ADRA1B: variants seen among roughly 807,000 people sequenced by gnomAD.
ADRA1B encodes the protein adrenoceptor alpha 1B, also known as alpha-1B adrenergic receptor.
Under a neutral mutation model 17.9 loss-of-function variants are expected in ADRA1B, and 17 were observed. The ratio of observed to expected loss-of-function variants is 0.95; its 90% CI spans 0.65 to 1.42. The LOEUF (loss-of-function observed/expected upper bound fraction) is 1.42. Ranked by LOEUF, ADRA1B falls within the 40% of genes most tolerant of loss-of-function variation. ADRA1B has a pLI of 0.00. For missense variants in ADRA1B, 681 were observed against 722.1 expected (o/e 0.94, Z 0.65); for synonymous variants, 366 against 327.6 (o/e 1.12, Z -1.27).
intron 1 of ADRA1B, among the ~76,000 whole-genome samples, chr5:159,924,427 G>T (rs1222154453): frequency 6.6e-6 from 1 of 152,154 alleles, no homozygotes; most frequent in Non-Finnish European, 1.5e-5. Flanking sequence ...ATGGCGGCTA[G>T]ACACAACAAA....
At chr5:159,948,998 A>G (rs1475478016) in intron 1 of ADRA1B, among the ~76,000 whole-genome samples, 1 of 152,226 alleles carries the variant, frequency 6.6e-6, no homozygotes, top group Non-Finnish European at 1.5e-5. Context: ...ACTTACCCAC[A>G]GTGACATAGA....
At chr5:159,881,160 G>A (rs929880900) in intron 1 of ADRA1B, among the ~76,000 whole-genome samples, 13 of 120,242 alleles carry the variant, frequency 1.1e-4, no homozygotes, top group African/African-American at 2.3e-4. Context: ...CGGCCTGGGC[G>A]ACAGAGCGAG....
intron 1 of ADRA1B, among the ~76,000 whole-genome samples, chr5:159,865,880 T>A (rs572022946): frequency 1.3e-5 from 2 of 152,316 alleles, no homozygotes; most frequent in African/African-American, 4.8e-5. Context: ...ATAAAAGTGG[T>A]TTAGCTGAAT....
At chr5:159,914,922 T>C (rs1561588566), upstream of ADRA1B, among the ~76,000 whole-genome samples, 1 of 152,222 alleles carries the variant, frequency 6.6e-6, no homozygotes. Flanking sequence ...CTCTGCCATA[T>C]ATTTGCTAGC....
In ADRA1B at chr5:159,917,338, A is replaced by G; in HGVS notation, c.433A>G (p.Ile145Val). The change falls in exon 1 of 2, where the codon ATC (isoleucine) becomes GTC (valine). Residue 145 changes from isoleucine to valine, a missense_variant. Transcript: ENST00000306675. ...GTGCGCCATCTCCATCGATCGCTAC[A>G]TCGGGGTGCGCTACTCTCTGCAGTA... is the stretch of plus-strand genomic sequence containing the variant. ...SLCAISIDRY[I>V]GVRYSLQYPT... 6.2e-7 allele frequency: 1 copy of G among 1,614,006 alleles called. No individual in the cohort carries two copies. The highest frequency in any genetic ancestry group is 8.5e-7 in the Non-Finnish European group (1 of 1,180,020).
At chr5:159,956,108 G>C (rs1184089761) in intron 1 of ADRA1B, among the ~76,000 whole-genome samples, 1 of 152,090 alleles carries the variant, frequency 6.6e-6, no homozygotes, top group Non-Finnish European at 1.5e-5. Context: ...GCCAGGCCTG[G>C]TGACACTGAG....
chr5:159,945,314 T>G (rs765436241), intron 1 of ADRA1B, among the ~76,000 whole-genome samples: 3 of 152,056 alleles, frequency 2.0e-5, no homozygotes, highest in Non-Finnish European at 2.9e-5. Flanking sequence ...ATTGCGCCAT[T>G]GCACTCCAGC....
intron 1 of ADRA1B, among the ~76,000 whole-genome samples, chr5:159,872,926 GC>G (rs921275447): frequency 3.0e-5 from 3 of 99,456 alleles, no homozygotes; most frequent in Non-Finnish European, 6.2e-5. Context: ...CCCTCCCCTT[GC>G]CCCCCACCCC....
chr5:159,946,033 C>T, intron 1 of ADRA1B, among the ~76,000 whole-genome samples: 1 of 152,174 alleles, frequency 6.6e-6, no homozygotes, highest in Non-Finnish European at 1.5e-5. Context: ...AGGCGTGAGC[C>T]ACCGCGCCCA....
chr5:159,874,990 T>C (rs1280278059), intron 1 of ADRA1B, among the ~76,000 whole-genome samples: 2 of 152,172 alleles, frequency 1.3e-5, no homozygotes, highest in Admixed American at 6.5e-5. Flanking sequence ...ACAAAACTGG[T>C]GTCTTCACAG....
At chr5:159,897,349 G>A (rs1394386472) in intron 1 of ADRA1B, among the ~76,000 whole-genome samples, 1 of 152,116 alleles carries the variant, frequency 6.6e-6, no homozygotes, top group African/African-American at 2.4e-5. Context: ...AGCCGGGCGT[G>A]GTGGAACGCA....
intron 1 of ADRA1B, among the ~76,000 whole-genome samples, chr5:159,900,257 A>G (rs1754087731): frequency 6.6e-6 from 1 of 152,194 alleles, no homozygotes; most frequent in Non-Finnish European, 1.5e-5. Flanking sequence ...ATTTTATTAA[A>G]TTCCCTCCAA....
At chr5:159,939,252 GGAGAGA>G (rs67704328) in intron 1 of ADRA1B, among the ~76,000 whole-genome samples, 12 of 99,764 alleles carry the variant, frequency 1.2e-4, no homozygotes, top group Non-Finnish European at 1.8e-4. Flanking sequence ...TTTCTTTGAA[GGAGAGA>G]GAGAGAGAGA....
At position 159,972,851 on chromosome 5, in the gene ADRA1B, G is replaced by A. The variant is rs1755910949; in HGVS notation, c.*359G>A. On this transcript the variant is annotated 3_prime_UTR_variant, in exon 2 of 2. Coordinates refer to ENST00000306675, the MANE Select transcript of ADRA1B (RefSeq NM_000679.4). ...TGTTCCGCTTGTGTGTGTGCGTGGG[G>A]CCGCCCTGTGAGGGCGCGGCGACTG... Among the ~76,000 whole-genome samples, 3 of 152,210 alleles carry A rather than the reference G, an allele frequency of 2.0e-5. No homozygotes were observed. Among genetic ancestry groups the A allele is most frequent in the South Asian group, 4.1e-4 (2 of 4,834 alleles).
intron 1 of ADRA1B, among the ~76,000 whole-genome samples, chr5:159,882,432 G>A (rs1323804775): frequency 6.6e-6 from 1 of 152,214 alleles, no homozygotes; most frequent in Non-Finnish European, 1.5e-5. Flanking sequence ...CTGGTTTATA[G>A]GTGAGGAAAC....
chr5:159,955,040 A>G, intron 1 of ADRA1B: 1 of 615,884 alleles, frequency 1.6e-6, no homozygotes, highest in Non-Finnish European at 2.0e-6. Flanking sequence ...GAACCTGGAG[A>G]ATGGCATGCA....
intron 1 of ADRA1B, chr5:159,955,193 T>G (rs543601037): frequency 1.5e-4 from 143 of 985,196 alleles, no homozygotes; most frequent in Non-Finnish European, 1.7e-4. Context: ...CGTCATTCAC[T>G]CTGTATTGGA....
chr5:159,912,724 C>T (rs774894664), upstream of ADRA1B, among the ~76,000 whole-genome samples: 2 of 152,254 alleles, frequency 1.3e-5, no homozygotes, highest in Admixed American at 6.5e-5. Context: ...CCTCTCTGAA[C>T]GTCAGTTTCC....
chr5:159,972,146 C>G lies in ADRA1B; in HGVS notation c.1217C>G (p.Ser406Trp). 1 of 1,359,660 alleles carries G rather than the reference C, an allele frequency of 7.4e-7. No individual in the cohort carries two copies. The highest frequency in any genetic ancestry group is 9.6e-7 in the Non-Finnish European group (1 of 1,045,690). 84.2% of individuals were successfully genotyped at this position (1,359,660 alleles called of 1,614,324 possible). A position where few individuals can be genotyped will look rare whatever the true frequency, so the allele number is the denominator to read the frequency against. The stretch of plus-strand genomic sequence containing the variant: ...GAGCGCTCGCAGTCGCGCAAGGACT[C>G]GCTGGACGACAGCGGCAGCTGCCTG... ...SLERSQSRKDSLDDSGSCLSG... is the reference protein window; with the variant it reads ...SLERSQSRKDWLDDSGSCLSG... The change falls in exon 2 of 2, where the codon TCG (serine) becomes TGG (tryptophan). Residue 406 changes from serine (S) to tryptophan (W), a missense_variant. By Grantham distance (177) the Ser-to-Trp change is radical (BLOSUM62 -3). Transcript: ENST00000306675.
Sources: allele counts gnomAD v4.1 joint callset (sites outside exome capture counted in the v4.1 genomes callset), GRCh38; gene constraint gnomAD v4.1.1; transcripts MANE v1.5; gene names NCBI Gene and HGNC (gene_info 2026-07-23, HGNC 2026-07-21).